The following GRIA4 variants were observed in gnomAD, a reference collection of about 807,000 sequenced individuals.
The protein encoded by GRIA4 is glutamate ionotropic receptor AMPA type subunit 4, also known as glutamate receptor 4.
A neutral mutation model predicts 104.0 loss-of-function variants in GRIA4; 34 were observed. The ratio of observed to expected loss-of-function variants is 0.33; its 90% CI spans 0.25 to 0.44. The LOEUF is 0.44. Ranked by LOEUF, GRIA4 falls within the 20% of genes least tolerant of loss-of-function variation. The pLI is 1.00. For missense variants in GRIA4, 750 were observed against 1,096.5 expected (o/e 0.68, Z 4.46); for synonymous variants, 386 against 381.9 (o/e 1.01, Z -0.13).
intron 3 of GRIA4, among the ~76,000 whole-genome samples, chr11:105,661,141 T>TA (rs1951996829): frequency 6.6e-6 from 1 of 151,620 alleles, no homozygotes; most frequent in Non-Finnish European, 1.5e-5. Context: ...ATATATTACT[T>TA]AATGATACAT....
In GRIA4 at chr11:105,745,509, C is replaced by T. The variant is rs149419100; in HGVS notation, c.248-7472C>T. Reference sequence around the variant, plus strand: ...CACAAAACATCTACCATATCTACACCGACTAATCCAGAAGAAGAAGAAACA... The same window carrying T: ...CACAAAACATCTACCATATCTACACTGACTAATCCAGAAGAAGAAGAAACA... On this transcript the variant is annotated intron_variant, in intron 3 of 16. Coordinates refer to ENST00000282499, the MANE Select transcript of GRIA4 (RefSeq NM_000829.4). Among the ~76,000 whole-genome samples, 570 of 152,172 alleles carry T rather than the reference C, an allele frequency of 3.7e-3. 5 individuals are homozygous for T. Among genetic ancestry groups the T allele is most frequent in the African/African-American group, 0.013 (543 of 41,504 alleles).
chr11:105,735,996 T>A (rs538028338), intron 3 of GRIA4, among the ~76,000 whole-genome samples: 6 of 152,180 alleles, frequency 3.9e-5, no homozygotes, highest in Non-Finnish European at 5.9e-5. Context: ...CTAGACAATA[T>A]GCTTCCCAGA....
At chr11:105,797,134 A>G (rs999244885) in intron 4 of GRIA4, among the ~76,000 whole-genome samples, 3 of 152,108 alleles carry the variant, frequency 2.0e-5, no homozygotes, top group African/African-American at 4.8e-5. Context: ...GCTTAAGCCC[A>G]GGAAGTAAAG....
intron 13 of GRIA4, among the ~76,000 whole-genome samples, chr11:105,931,684 G>A (rs1947880533): frequency 6.6e-6 from 1 of 151,922 alleles, no homozygotes; most frequent in African/African-American, 2.4e-5. Flanking sequence ...CAGCCTGGGT[G>A]ACAGAGCAAG....
chr11:105,882,130 G>A (rs1016864682), intron 5 of GRIA4, among the ~76,000 whole-genome samples: 2 of 152,196 alleles, frequency 1.3e-5, no homozygotes, highest in African/African-American at 4.8e-5. Context: ...TAGTGAAAGT[G>A]ACTGCCCTCA....
intron 14 of GRIA4, among the ~76,000 whole-genome samples, chr11:105,942,706 C>T (rs1339246875): frequency 1.3e-5 from 2 of 152,074 alleles, no homozygotes; most frequent in African/African-American, 4.8e-5. Flanking sequence ...TGCTTTCATG[C>T]TGCAGTTTTG....
In GRIA4 at chr11:105,916,572, C is replaced by T. The variant is rs576245971; in HGVS notation, c.1270-2140C>T. Among the ~76,000 whole-genome samples the T allele has an allele frequency of 7.2e-5, 11 of 152,278 alleles. No homozygotes were observed. The South Asian group carries it at 1.4e-3, about 20-fold the overall frequency. ...CTATCACCCAGCAAACTGACTGGCA[C>T]ACAGTAGCTGCTTAATAAATGTTTG... is the stretch of plus-strand genomic sequence containing the variant. On this transcript the variant is annotated intron_variant, in intron 10 of 16. Transcript: ENST00000282499.
chr11:105,864,814 G>C (rs1037588708), intron 5 of GRIA4, among the ~76,000 whole-genome samples: 1 of 152,052 alleles, frequency 6.6e-6, no homozygotes, highest in Non-Finnish European at 1.5e-5. Context: ...AGGTTGTGGT[G>C]AGCCGAGATC....
At chr11:105,757,492 A>C (rs977596451) in intron 4 of GRIA4, among the ~76,000 whole-genome samples, 2 of 152,168 alleles carry the variant, frequency 1.3e-5, no homozygotes, top group African/African-American at 4.8e-5. Context: ...CAAAATAAAC[A>C]AAGGGTTGAC....
intron 14 of GRIA4, among the ~76,000 whole-genome samples, chr11:105,956,924 T>C (rs887131310): frequency 6.7e-6 from 1 of 150,224 alleles, no homozygotes; most frequent in Non-Finnish European, 1.5e-5. Context: ...AAGTGTCTGT[T>C]CATATCCTTT....
At chr11:105,812,028 T>TC (rs1943193415) in intron 4 of GRIA4, among the ~76,000 whole-genome samples, 1 of 152,206 alleles carries the variant, frequency 6.6e-6, no homozygotes, top group Non-Finnish European at 1.5e-5. Context: ...ATTACTGCAC[T>TC]CAGGGCGGGT....
At chr11:105,698,662 T>TA (rs1216168424) in intron 3 of GRIA4, among the ~76,000 whole-genome samples, 2 of 152,150 alleles carry the variant, frequency 1.3e-5, no homozygotes, top group Non-Finnish European at 2.9e-5. Context: ...AGAATGTGCA[T>TA]AAAAAATCAC....
chr11:105,951,763 G>C (rs1011470939), intron 14 of GRIA4, among the ~76,000 whole-genome samples: 7 of 152,036 alleles, frequency 4.6e-5, no homozygotes, highest in African/African-American at 1.4e-4. Flanking sequence ...TTCGAGACCA[G>C]CATGGGCAAC....
intron 3 of GRIA4, among the ~76,000 whole-genome samples, chr11:105,711,024 T>C (rs1953890264): frequency 6.6e-6 from 1 of 151,882 alleles, no homozygotes; most frequent in African/African-American, 2.4e-5. Context: ...TGTTTGAAGA[T>C]CGTAAATACC....
intron 3 of GRIA4, among the ~76,000 whole-genome samples, chr11:105,663,277 G>A (rs1337526289): frequency 1.3e-5 from 2 of 151,784 alleles, no homozygotes; most frequent in East Asian, 3.9e-4. Context: ...TAATTATAAA[G>A]CTCACAATAG....
At chr11:105,901,171 G>A (rs1263972274) in intron 7 of GRIA4, among the ~76,000 whole-genome samples, 2 of 152,000 alleles carry the variant, frequency 1.3e-5, no homozygotes, top group African/African-American at 4.8e-5. Flanking sequence ...AGAGCTCTCA[G>A]ATATGATATG....
chr11:105,612,081 G>A (rs970976548), intron 2 of GRIA4, among the ~76,000 whole-genome samples, 195 bp from the exon 3 acceptor site: 3 of 152,102 alleles, frequency 2.0e-5, no homozygotes, highest in Non-Finnish European at 4.4e-5. Context: ...ATTAGGACAA[G>A]AAAAAGCTGA....
Position 105,898,438 on chromosome 11 carries a change from AT to A in GRIA4, c.885+16del. ...GAGACTCCTCCAAAGGTATTTGTTTATTTTTATCTACTGTATTACTGATAGT... is the reference window on the plus strand; with the variant it reads ...GAGACTCCTCCAAAGGTATTTGTTTATTTTATCTACTGTATTACTGATAGT... On this transcript the variant is annotated intron_variant, in intron 7 of 16. Coordinates refer to ENST00000282499, the MANE Select transcript of GRIA4 (RefSeq NM_000829.4). 6.8e-7 allele frequency: 1 copy of A among 1,461,712 alleles called. No homozygotes were observed. The highest frequency in any genetic ancestry group is 9.5e-7 in the Non-Finnish European group (1 of 1,047,416). The allele number at this position is 1,461,712 out of a possible 1,614,324, so 90.5% of individuals were successfully genotyped here.
At chr11:105,828,997 G>T (rs1943876267) in intron 4 of GRIA4, among the ~76,000 whole-genome samples, 1 of 151,850 alleles carries the variant, frequency 6.6e-6, no homozygotes, top group Non-Finnish European at 1.5e-5. Context: ...AGAGTTCCCA[G>T]TATTCCCAGA....
Sources: gnomAD v4.1 joint callset for allele counts (sites outside exome capture counted in the v4.1 genomes callset) on GRCh38, gnomAD v4.1.1 for gene constraint, MANE v1.5 for transcripts, NCBI Gene and HGNC (gene_info 2026-07-23, HGNC 2026-07-21) for gene names.